CACNA1A: variants seen among roughly 807,000 people sequenced by gnomAD.
CACNA1A encodes calcium voltage-gated channel subunit alpha1 A.
Under a neutral mutation model 262.4 loss-of-function variants are expected in CACNA1A, and 57 were observed. The observed-to-expected ratio is 0.22, with a 90% CI of 0.18 to 0.27. CACNA1A has a LOEUF of 0.27. Among genes scored for constraint, CACNA1A ranks in the 10% least tolerant of loss-of-function variants. The probability of loss-of-function intolerance (pLI) is 1.00; values close to 1 mark genes in which losing one functional copy is unlikely to be tolerated. For synonymous variants in CACNA1A, 1,431 were observed against 1,419.3 expected (o/e 1.01, Z -0.18); for missense variants, 2,526 against 3,562.8 (o/e 0.71, Z 7.41).
chr19:13,476,313 G>A lies in CACNA1A; in HGVS notation c.294-21101C>T, dbSNP rs76068335. ...GGATCCTGGTTCTGCCACCCTCCCG[G>A]CCAGCAGGTGAGAATTCTACACAGC... On this transcript the variant is annotated intron_variant, in intron 1 of 46. Transcript: ENST00000360228. Among the ~76,000 whole-genome samples, 844 of 152,244 alleles carry A rather than the reference G, an allele frequency of 5.5e-3. 18 individuals carry two copies. In the East Asian group the frequency reaches 0.061, roughly 11 times the overall value.
chr19:13,206,671 TTA>T lies in CACNA1A; in HGVS notation c.*640_*641del, dbSNP rs2054578578. 2.9e-5 allele frequency: 3 copies of T among 103,214 alleles called. No homozygotes were observed. Among genetic ancestry groups the T allele is most frequent in the East Asian group, 4.6e-4 (2 of 4,342 alleles). 6.4% of individuals were successfully genotyped at this position (103,214 alleles called of 1,614,324 possible). A position where few individuals can be genotyped will look rare whatever the true frequency, so the allele number is the denominator to read the frequency against. On this transcript the variant is annotated 3_prime_UTR_variant, in exon 47 of 47. Coordinates refer to ENST00000360228, the MANE Select transcript of CACNA1A (RefSeq NM_001127222.2). ...ATTTTTTTGTCCTTTTTAAAATTGT[TTA>T]TTGTTATTATTATTTTTTTAAATTG...
chr19:13,409,657 C>T (rs1030779460), intron 3 of CACNA1A, among the ~76,000 whole-genome samples: 5 of 152,204 alleles, frequency 3.3e-5, no homozygotes, highest in South Asian at 4.2e-4. Flanking sequence ...ATGATCCTCC[C>T]GTTTTAGCCT....
At chr19:13,223,608 T>C (rs779555786) in intron 38 of CACNA1A, among the ~76,000 whole-genome samples, 3 of 152,120 alleles carry the variant, frequency 2.0e-5, no homozygotes, top group Non-Finnish European at 4.4e-5. Context: ...CAAATGTGAG[T>C]TGGGTCAGGT....
intron 1 of CACNA1A, among the ~76,000 whole-genome samples, chr19:13,466,717 T>C (rs1055973125): frequency 1.3e-5 from 2 of 151,916 alleles, no homozygotes; most frequent in African/African-American, 4.8e-5. Context: ...ATCATCATCA[T>C]CATCTGACCA....
intron 3 of CACNA1A, among the ~76,000 whole-genome samples, chr19:13,424,011 A>G (rs1014543262): frequency 6.6e-6 from 1 of 151,960 alleles, no homozygotes; most frequent in African/African-American, 2.4e-5. Flanking sequence ...TCCCTTGCAA[A>G]TGTCACTGTT....
intron 3 of CACNA1A, among the ~76,000 whole-genome samples, chr19:13,409,907 T>G (rs148846028): frequency 6.6e-6 from 1 of 152,172 alleles, no homozygotes; most frequent in African/African-American, 2.4e-5. Context: ...AACTTGTTGT[T>G]TGCAGTAAAC....
chr19:13,448,749 A>G (rs1038442880), intron 3 of CACNA1A, among the ~76,000 whole-genome samples: 1 of 152,222 alleles, frequency 6.6e-6, no homozygotes, highest in Admixed American at 6.5e-5. Context: ...TTGGGTCAAA[A>G]TAGCCCAAAG....
At chr19:13,501,917 T>G (rs1982418965) in intron 1 of CACNA1A, among the ~76,000 whole-genome samples, 1 of 152,312 alleles carries the variant, frequency 6.6e-6, no homozygotes, top group Non-Finnish European at 1.5e-5. Flanking sequence ...AATTGCACCC[T>G]TTTTGAAAAT....
rs139312459 is a variant in CACNA1A, at chr19:13,257,873, G to A, written c.4389-322C>T. ...CTGCCTCAGCCTCCCAAGTAGCTGGGATTACAGACATGCGCCACCAAGCCT... is the reference window on the plus strand; with the variant it reads ...CTGCCTCAGCCTCCCAAGTAGCTGGAATTACAGACATGCGCCACCAAGCCT... On this transcript the variant is annotated intron_variant, in intron 27 of 46. Transcript: ENST00000360228. The A allele has an allele frequency of 6.9e-3, 1,242 of 179,936 alleles. 20 individuals are homozygous for A. Among genetic ancestry groups the A allele is most frequent in the African/African-American group, 0.028 (1,167 of 42,222 alleles). The allele number at this position is 179,936 out of a possible 1,614,324, so 11.1% of individuals were successfully genotyped here.
intron 29 of CACNA1A, 28 bp from the exon 30 acceptor site, chr19:13,253,129 G>T: frequency 6.8e-7 from 1 of 1,468,092 alleles, no homozygotes; most frequent in Non-Finnish European, 9.5e-7. Context: ...GAGTAGCAGG[G>T]GTCAGCGAGC....
chr19:13,433,292 C>CAA (rs71170514), intron 3 of CACNA1A, among the ~76,000 whole-genome samples: 7,248 of 98,092 alleles, frequency 0.074, 363 homozygotes, highest in East Asian at 0.25. Context: ...GACTCTGTCT[C>CAA]AAAAAAAAAA....
At chr19:13,253,898 C>A (rs2144730072) in intron 29 of CACNA1A, among the ~76,000 whole-genome samples, 1 of 152,194 alleles carries the variant, frequency 6.6e-6, no homozygotes, top group South Asian at 2.1e-4. Flanking sequence ...CGCCACCACG[C>A]CCAGCTAATT....
chr19:13,451,838 C>T (rs2060921282), intron 3 of CACNA1A: 1 of 148,172 alleles, frequency 6.7e-6, no homozygotes, highest in Admixed American at 6.7e-5. Flanking sequence ...AGCCTGTCAA[C>T]TAGGAACAAT....
In CACNA1A at chr19:13,308,355, G is replaced by A. The variant is rs1270361687; in HGVS notation, c.1781+61C>T. On this transcript the variant is annotated intron_variant, in intron 13 of 46. Coordinates refer to ENST00000360228, the MANE Select transcript of CACNA1A (RefSeq NM_001127222.2). The surrounding 1 kb of genome is among the most constrained non-coding windows in gnomAD (Gnocchi z 4.2). ...TCACTTTCCCAACTTTCTGGAGGCG[G>A]CCCCACCATGTCCCCCATCCCCACC... 2.0e-6 allele frequency: 3 copies of A among 1,536,994 alleles called. No homozygotes were observed. The highest frequency in any genetic ancestry group is 2.7e-6 in the Non-Finnish European group (3 of 1,131,296).
intron 6 of CACNA1A, among the ~76,000 whole-genome samples, chr19:13,336,599 GA>G (rs2058575227): frequency 1.6e-3 from 193 of 121,650 alleles, no homozygotes; most frequent in Non-Finnish European, 2.7e-3. Flanking sequence ...GAGAGGGAGA[GA>G]GAGAGAGAGA....
chr19:13,320,207 C>T lies in CACNA1A; in HGVS notation c.1346-2886G>A, dbSNP rs1047444094. Among the ~76,000 whole-genome samples, 4 of 143,992 alleles carry T rather than the reference C, an allele frequency of 2.8e-5. No individual in the cohort carries two copies. In the Admixed American group the frequency reaches 2.8e-4, roughly 10 times the overall value. 94.5% of individuals were successfully genotyped at this position (143,992 alleles called of 152,430 possible). On this transcript the variant is annotated intron_variant, in intron 10 of 46. Coordinates refer to ENST00000360228, the MANE Select transcript of CACNA1A (RefSeq NM_001127222.2). Reference sequence around the variant, plus strand: ...CCAAAAGAAATAAGACCCTTGGGACCTTGGGGGACAGGGGGGATGTTCCAC... The same window carrying T: ...CCAAAAGAAATAAGACCCTTGGGACTTTGGGGGACAGGGGGGATGTTCCAC...
chr19:13,366,940 A>T (rs78973582), intron 4 of CACNA1A, among the ~76,000 whole-genome samples: 2 of 152,160 alleles, frequency 1.3e-5, no homozygotes, highest in African/African-American at 4.8e-5. Flanking sequence ...CTCATTTTAC[A>T]GAAGTGGGAA....
intron 38 of CACNA1A, among the ~76,000 whole-genome samples, chr19:13,215,644 G>C (rs974133690): frequency 6.9e-6 from 1 of 144,860 alleles, no homozygotes; most frequent in Non-Finnish European, 1.5e-5. Context: ...TTTTGACAGA[G>C]TCTCTCTCTG....
intron 3 of CACNA1A, among the ~76,000 whole-genome samples, chr19:13,412,083 T>G (rs1303057042): frequency 6.6e-6 from 1 of 151,972 alleles, no homozygotes; most frequent in Non-Finnish European, 1.5e-5. Context: ...ACACAGATAG[T>G]GAAACCAACC....
Sources: allele counts gnomAD v4.1 joint callset (sites outside exome capture counted in the v4.1 genomes callset), GRCh38; gene constraint gnomAD v4.1.1; non-coding constraint Gnocchi (gnomAD v3.1); transcripts MANE v1.5; gene names NCBI Gene and HGNC (gene_info 2026-07-23, HGNC 2026-07-21).